KLRF1: variants seen among roughly 807,000 people sequenced by gnomAD.
KLRF1 encodes killer cell lectin-like receptor subfamily F member 1.
Under a neutral mutation model 30.7 loss-of-function variants are expected in KLRF1, and 27 were observed. The ratio of observed to expected loss-of-function variants is 0.88; its 90% CI spans 0.65 to 1.21. The LOEUF is 1.21. Among genes scored for constraint, KLRF1 ranks in the 50% most tolerant of loss-of-function variants. The probability of loss-of-function intolerance (pLI) is 0.00; values close to 1 mark genes in which losing one functional copy is unlikely to be tolerated. For synonymous variants in KLRF1, 92 were observed against 89.3 expected, an observed-to-expected ratio of 1.03 and a Z score of -0.17; for missense variants, 246 against 259.3, an observed-to-expected ratio of 0.95 and a Z score of 0.35.
rs1056270127 is a variant in KLRF1, at chr12:9,837,608, G to A, written c.334+4156G>A. 7.9e-5 allele frequency among the ~76,000 whole-genome samples: 12 copies of A among 152,102 alleles called. No homozygotes were observed. In the East Asian group the frequency reaches 1.5e-3, roughly 20 times the overall value. ...TTATTCATGAAACAGCTCATTCCCC[G>A]GCTTTTCCTCTCAAGCTTTTCAGTC... On this transcript the variant is annotated intron_variant, in intron 3 of 5. Transcript: ENST00000617889.
upstream of KLRF1, among the ~76,000 whole-genome samples, chr12:9,824,192 C>A (rs1266273048): frequency 6.6e-6 from 1 of 152,084 alleles, no homozygotes; most frequent in Non-Finnish European, 1.5e-5. Context: ...AGGCCGGCAT[C>A]CTTGAAAAAC....
chr12:9,816,050 T>A, the KLRF1 span, among the ~76,000 whole-genome samples: 1 of 152,156 alleles, frequency 6.6e-6, no homozygotes, highest in Admixed American at 6.5e-5. Context: ...ACTCCTGATC[T>A]CAGGTGATCT....
At chr12:9,819,483 G>A in the KLRF1 span, among the ~76,000 whole-genome samples, 1 of 152,120 alleles carries the variant, frequency 6.6e-6, no homozygotes, top group Non-Finnish European at 1.5e-5. Context: ...AGGTGACTAA[G>A]GATTGGAGAA....
intron 3 of KLRF1, among the ~76,000 whole-genome samples, chr12:9,841,385 A>G (rs1867697415): frequency 6.6e-6 from 1 of 152,030 alleles, no homozygotes; most frequent in Non-Finnish European, 1.5e-5. Context: ...TGGATGTTGA[A>G]ATAATCTCTA....
At chr12:9,811,962 T>C in the KLRF1 span, among the ~76,000 whole-genome samples, 1 of 152,208 alleles carries the variant, frequency 6.6e-6, no homozygotes, top group East Asian at 1.9e-4. Flanking sequence ...ATTTGGCTCT[T>C]TACCTCAAAA....
At chr12:9,823,863 A>G (rs900121444), upstream of KLRF1, among the ~76,000 whole-genome samples, 2 of 152,166 alleles carry the variant, frequency 1.3e-5, no homozygotes, top group Non-Finnish European at 2.9e-5. Context: ...CTCTATGTAT[A>G]CCAAACTAGA....
At chr12:9,834,010 G>T (rs755459790) in intron 3 of KLRF1, among the ~76,000 whole-genome samples, 1 of 150,628 alleles carries the variant, frequency 6.6e-6, no homozygotes, top group African/African-American at 2.5e-5. Context: ...TAGGGGTGAG[G>T]CCGTTTTATA....
chr12:9,836,263 C>G (rs1308194119), intron 3 of KLRF1, among the ~76,000 whole-genome samples: 1 of 152,030 alleles, frequency 6.6e-6, no homozygotes, highest in Non-Finnish European at 1.5e-5. Context: ...ACTACTTGGA[C>G]CGAGCCCCAA....
chr12:9,835,082 G>T (rs1019102419), intron 3 of KLRF1, among the ~76,000 whole-genome samples: 5 of 152,086 alleles, frequency 3.3e-5, no homozygotes, highest in African/African-American at 9.7e-5. Context: ...AAACCAACAA[G>T]CAAGGGAATT....
At position 9,844,430 on chromosome 12, in the gene KLRF1, G is replaced by A. The variant is rs1446774074; in HGVS notation, c.600G>A (p.Lys200=). The change falls in exon 6 of 6, where the codon AAG becomes AAA. Residue 200 remains lysine, a synonymous_variant. Transcript: ENST00000617889. The part of the protein sequence containing the change: ...SPIDSKIFFI[K]GPAKENSCAA... ...CTCTCTTCCCTAGATTCTTCATAAA[G>A]GGACCAGCTAAAGAAAACAGCTGTG... 3.2e-5 allele frequency: 51 copies of A among 1,590,026 alleles called. No homozygotes were observed. Among genetic ancestry groups the A allele is most frequent in the Non-Finnish European group, 1.9e-5 (22 of 1,159,088 alleles).
At chr12:9,815,770 A>G in the KLRF1 span, among the ~76,000 whole-genome samples, 1 of 152,124 alleles carries the variant, frequency 6.6e-6, no homozygotes, top group Non-Finnish European at 1.5e-5. Context: ...GAGCAACCCA[A>G]TTTCTGCCTG....
the KLRF1 span, among the ~76,000 whole-genome samples, chr12:9,809,555 C>T: frequency 3.9e-5 from 6 of 152,042 alleles, no homozygotes; most frequent in Non-Finnish European, 5.9e-5. Flanking sequence ...AGTTTGTTAA[C>T]GTAAATTGTT....
Position 9,842,307 on chromosome 12 carries a change from C to A in KLRF1, c.475-14C>A. 8.7e-6 allele frequency: 14 copies of A among 1,608,860 alleles called. No individual in the cohort carries two copies. Among genetic ancestry groups the A allele is most frequent in the Non-Finnish European group, 1.1e-5 (13 of 1,177,490 alleles). ...AAAATATTTTGTTCATTTAGTCCCT[C>A]GTCCACATTTTAGGCTTTTATACAG... On this transcript the variant is annotated splice_polypyrimidine_tract_variant and intron_variant, in intron 4 of 5. Transcript: ENST00000617889.
At chr12:9,806,176 A>T in the KLRF1 span, among the ~76,000 whole-genome samples, 3 of 151,728 alleles carry the variant, frequency 2.0e-5, no homozygotes, top group African/African-American at 7.3e-5. Flanking sequence ...GTAGGTGTAA[A>T]TATTACTGTA....
chr12:9,843,463 A>T (rs746288777), intron 5 of KLRF1, among the ~76,000 whole-genome samples: 42 of 152,312 alleles, frequency 2.8e-4, no homozygotes, highest in African/African-American at 1.0e-3. Flanking sequence ...CCTTATTTCT[A>T]TTCATCATTA....
the KLRF1 span, among the ~76,000 whole-genome samples, chr12:9,803,814 G>A: frequency 2.6e-5 from 4 of 152,080 alleles, no homozygotes; most frequent in African/African-American, 9.6e-5. Context: ...CTTTTCTTTA[G>A]TTAACAACAC....
rs2232549 is a variant in KLRF1, at chr12:9,844,531, T to C, written c.*5T>C. The C allele has an allele frequency of 1.3e-6, 2 of 1,486,934 alleles. No individual in the cohort carries two copies. Among genetic ancestry groups the C allele is most frequent in the Admixed American group, 1.7e-5 (1 of 58,092 alleles). The allele number at this position is 1,486,934 out of a possible 1,614,324, so 92.1% of individuals were successfully genotyped here. A position where few individuals can be genotyped will look rare whatever the true frequency, so the allele number is the denominator to read the frequency against. ...AAATGGATTTGTCAGTATTAGAGTT[T>C]GACAAAATTCACAGTGAAATAATCA... On this transcript the variant is annotated 3_prime_UTR_variant, in exon 6 of 6. Coordinates refer to ENST00000617889, the MANE Select transcript of KLRF1 (RefSeq NM_016523.3).
chr12:9,806,658 T>A, the KLRF1 span, among the ~76,000 whole-genome samples: 1 of 151,918 alleles, frequency 6.6e-6, no homozygotes, highest in Non-Finnish European at 1.5e-5. Flanking sequence ...CAGTTTTCTG[T>A]GTGTCTCAAG....
At chr12:9,813,060 T>A in the KLRF1 span, among the ~76,000 whole-genome samples, 1 of 152,306 alleles carries the variant, frequency 6.6e-6, no homozygotes, top group African/African-American at 2.4e-5. Flanking sequence ...TGGGGGAATA[T>A]CCTTGCAGCA....
Sources: allele counts gnomAD v4.1 joint callset (sites outside exome capture counted in the v4.1 genomes callset), GRCh38; gene constraint gnomAD v4.1.1; transcripts MANE v1.5; gene names NCBI Gene and HGNC (gene_info 2026-07-23, HGNC 2026-07-21).